ERI3: variants seen among roughly 807,000 people sequenced by gnomAD.
ERI3 encodes the protein ERI1 exoribonuclease 3.
Under a neutral mutation model 44.4 loss-of-function variants are expected in ERI3, and 18 were observed. That is an observed-to-expected ratio of 0.41 (90% CI 0.28 to 0.60). The LOEUF is 0.60. Among genes scored for constraint, ERI3 ranks in the 20% least tolerant of loss-of-function variants. The pLI is 0.36. For synonymous variants in ERI3, 183 were observed against 164.8 expected, an observed-to-expected ratio of 1.11 and a Z score of -0.84; for missense variants, 294 against 435.5, an observed-to-expected ratio of 0.68 and a Z score of 2.89.
chr1:44,311,899 C>A (rs1645980664), intron 5 of ERI3, among the ~76,000 whole-genome samples: 1 of 150,794 alleles, frequency 6.6e-6, no homozygotes, highest in South Asian at 2.1e-4. Context: ...GAATGAATCT[C>A]TTCAAAAAAA....
chr1:44,339,144 T>C lies in ERI3; in HGVS notation c.390A>G (p.Ala130=), dbSNP rs142598142. ...GGAAGGACACCATTGCCGCCATGGA[T>C]GCGCCAAAGCCGTGGGCCGCCAGCT... ...TRKLAAHGFG[A]SMAAMVSFPP... Residue 130 remains alanine, a synonymous_variant, in exon 3 of 9, where the codon GCA becomes GCG. Coordinates refer to ENST00000372257, the MANE Select transcript of ERI3 (RefSeq NM_024066.3). The C allele has an allele frequency of 2.5e-6, 4 of 1,613,982 alleles. No homozygotes were observed. Among genetic ancestry groups the C allele is most frequent in the East Asian group, 2.2e-5 (1 of 44,868 alleles).
intron 1 of ERI3, 133 bp from the exon 2 acceptor site, chr1:44,353,058 C>A: frequency 1.3e-6 from 2 of 1,495,924 alleles, no homozygotes; most frequent in African/African-American, 1.4e-5. Context: ...AGACAGTGCC[C>A]CCACAGAGCT....
chr1:44,355,132 CGCGGCCCGCGCCGA>C lies in ERI3; in HGVS notation c.-120_-107del. On this transcript the variant is annotated 5_prime_UTR_variant, in exon 1 of 9. Coordinates refer to ENST00000372257, the MANE Select transcript of ERI3 (RefSeq NM_024066.3). ...GCTCAGGGCAGTTGGCGGCGGCGGG[CGCGGCCCGCGCCGA>C]CTGCGGCGCCGGCCAGGCAGAGGCA... 1 of 1,229,970 alleles carries C rather than the reference CGCGGCCCGCGCCGA, an allele frequency of 8.1e-7. No homozygotes were observed. Among genetic ancestry groups the C allele is most frequent in the Non-Finnish European group, 1.0e-6 (1 of 981,726 alleles). The allele number at this position is 1,229,970 out of a possible 1,614,324, so 76.2% of individuals were successfully genotyped here. A position where few individuals can be genotyped will look rare whatever the true frequency, so the allele number is the denominator to read the frequency against.
At chr1:44,339,592 A>G (rs576851458) in intron 2 of ERI3, among the ~76,000 whole-genome samples, 3 of 152,286 alleles carry the variant, frequency 2.0e-5, no homozygotes, top group African/African-American at 7.2e-5. Context: ...AACATGCAAC[A>G]CTGGCCTGCA....
intron 6 of ERI3, among the ~76,000 whole-genome samples, chr1:44,294,862 G>A (rs925125296): frequency 6.6e-6 from 1 of 152,234 alleles, no homozygotes; most frequent in African/African-American, 2.4e-5. Context: ...TGGCCATCTT[G>A]ACCCTATGCC....
intron 6 of ERI3, among the ~76,000 whole-genome samples, chr1:44,296,070 G>A (rs1372436682): frequency 1.3e-5 from 2 of 152,152 alleles, no homozygotes; most frequent in African/African-American, 4.8e-5. Context: ...AAAGCCACTT[G>A]TTAATAGGCC....
intron 5 of ERI3, among the ~76,000 whole-genome samples, chr1:44,312,526 T>C (rs1645994983): frequency 6.6e-6 from 1 of 152,212 alleles, no homozygotes; most frequent in Non-Finnish European, 1.5e-5. Flanking sequence ...GAGGAGAACA[T>C]CCTAGAAGTG....
intron 8 of ERI3, among the ~76,000 whole-genome samples, chr1:44,229,388 C>T (rs1644123440): frequency 6.6e-6 from 1 of 152,154 alleles, no homozygotes; most frequent in Admixed American, 6.5e-5. Flanking sequence ...TGCTTGTCTG[C>T]CATTTGCAAA....
At chr1:44,240,455 G>A (rs1644409574) in intron 8 of ERI3, among the ~76,000 whole-genome samples, 1 of 152,134 alleles carries the variant, frequency 6.6e-6, no homozygotes, top group South Asian at 2.1e-4. Context: ...TCTGCAGCTG[G>A]TGGAATGGAA....
At chr1:44,332,505 C>A (rs1646451436) in intron 3 of ERI3, among the ~76,000 whole-genome samples, 1 of 152,164 alleles carries the variant, frequency 6.6e-6, no homozygotes, top group Non-Finnish European at 1.5e-5. Context: ...AGGTATAAAC[C>A]CTGGGGAAGG....
intron 8 of ERI3, among the ~76,000 whole-genome samples, chr1:44,226,777 A>AC (rs767478485): frequency 2.3e-4 from 27 of 118,440 alleles, no homozygotes; most frequent in East Asian, 6.9e-4. Context: ...CAGCATTATT[A>AC]AACACACACA....
rs1026645130 is a variant in ERI3 at position 44,221,948 on chromosome 1, ATG to A, written c.932-310_932-309del. 6.6e-6 allele frequency among the ~76,000 whole-genome samples: 1 copy of A among 152,070 alleles called. No individual in the cohort carries two copies. Among genetic ancestry groups the A allele is most frequent in the Non-Finnish European group, 1.5e-5 (1 of 68,000 alleles). The stretch of plus-strand genomic sequence containing the variant: ...TCGCAGTAAGAAAAAGGCAGAGTAA[ATG>A]TGTAATTTCTCCCTTGACGGCCCCC... On this transcript the variant is annotated intron_variant, in intron 8 of 8. Transcript: ENST00000372257. The surrounding 1 kb of genome is among the most constrained non-coding windows in gnomAD (Gnocchi z 5.9).
In ERI3 at chr1:44,281,721, C is replaced by G. The variant is rs181430896; in HGVS notation, c.831+3114G>C. 2.8e-3 allele frequency among the ~76,000 whole-genome samples: 420 copies of G among 150,816 alleles called. 2 individuals are homozygous for G. Among genetic ancestry groups the G allele is most frequent in the African/African-American group, 9.4e-3 (387 of 41,022 alleles). On this transcript the variant is annotated intron_variant, in intron 7 of 8. Coordinates refer to ENST00000372257, the MANE Select transcript of ERI3 (RefSeq NM_024066.3). Reference sequence around the variant, plus strand: ...TATGTATGTATAAACACCTTCATGTCTGGGTATGCCTGCAAATATTTCTGC... The same window carrying G: ...TATGTATGTATAAACACCTTCATGTGTGGGTATGCCTGCAAATATTTCTGC...
At chr1:44,318,259 T>A (rs1408725303) in intron 4 of ERI3, among the ~76,000 whole-genome samples, 1 of 152,216 alleles carries the variant, frequency 6.6e-6, no homozygotes, top group East Asian at 1.9e-4. Flanking sequence ...AATTTGGGCC[T>A]GCCTGTCTAC....
intron 6 of ERI3, among the ~76,000 whole-genome samples, chr1:44,290,406 T>A (rs1020266706): frequency 6.6e-6 from 1 of 152,078 alleles, no homozygotes; most frequent in African/African-American, 2.4e-5. Flanking sequence ...GAGGGGTGGG[T>A]GGGCTTGCTT....
chr1:44,250,612 G>A (rs1357883966), intron 7 of ERI3, among the ~76,000 whole-genome samples: 4 of 152,290 alleles, frequency 2.6e-5, no homozygotes, highest in South Asian at 2.1e-4. Context: ...GAGCGAGGGC[G>A]AGATGAATTG....
At chr1:44,276,915 T>C (rs1275054923) in intron 7 of ERI3, among the ~76,000 whole-genome samples, 1 of 152,222 alleles carries the variant, frequency 6.6e-6, no homozygotes, top group Non-Finnish European at 1.5e-5. Flanking sequence ...TAAAGAAAAG[T>C]CATACAATTG....
At chr1:44,225,208 A>G (rs2154315031) in intron 8 of ERI3, among the ~76,000 whole-genome samples, 1 of 152,248 alleles carries the variant, frequency 6.6e-6, no homozygotes, top group South Asian at 2.1e-4. Context: ...GGTGGCAGGG[A>G]GCACAGCCTT....
intron 5 of ERI3, among the ~76,000 whole-genome samples, chr1:44,310,963 G>GCGCGCACA (rs1373873768): frequency 4.9e-5 from 6 of 123,254 alleles, no homozygotes; most frequent in Non-Finnish European, 1.0e-4. Context: ...GCGCGCGCGC[G>GCGCGCACA]CACACACACA....
Sources: allele counts gnomAD v4.1 joint callset (sites outside exome capture counted in the v4.1 genomes callset), GRCh38; gene constraint gnomAD v4.1.1; non-coding constraint Gnocchi (gnomAD v3.1); transcripts MANE v1.5; gene names NCBI Gene and HGNC (gene_info 2026-07-23, HGNC 2026-07-21).